Variants in AK9 observed in about 807,000 individuals in gnomAD.
AK9 encodes adenylate kinase 9, also known as adenylate kinase domain containing 1.
Under a neutral mutation model 239.6 loss-of-function variants are expected in AK9, and 191 were observed. That is an observed-to-expected ratio of 0.80 (90% confidence interval 0.71 to 0.90). The LOEUF is 0.90. Ranked by LOEUF, AK9 falls within the 40% of genes least tolerant of loss-of-function variation. AK9 has a pLI of 0.00. For missense variants in AK9, 1,995 were observed against 2,214.7 expected (o/e 0.90, Z 1.99); for synonymous variants, 689 against 721.0 (o/e 0.96, Z 0.71).
At chr6:109,524,637 C>T (rs1562351290) in intron 29 of AK9, among the ~76,000 whole-genome samples, 1 of 152,148 alleles carries the variant, frequency 6.6e-6, no homozygotes, top group Non-Finnish European at 1.5e-5. Context: ...GAATGAAGAA[C>T]ATCAGAAATA....
At chr6:109,520,821 C>G (rs1375822743) in intron 29 of AK9, among the ~76,000 whole-genome samples, 1 of 152,104 alleles carries the variant, frequency 6.6e-6, no homozygotes, top group Non-Finnish European at 1.5e-5. Context: ...AGATTTTTCA[C>G]TTCCTTGGTT....
intron 21 of AK9, among the ~76,000 whole-genome samples, chr6:109,566,742 G>A (rs570440373): frequency 1.3e-5 from 2 of 151,982 alleles, no homozygotes; most frequent in Non-Finnish European, 2.9e-5. Context: ...AGGGGAGTGA[G>A]GGATGAAAAA....
intron 17 of AK9, among the ~76,000 whole-genome samples, chr6:109,604,440 G>T (rs896728835): frequency 1.1e-4 from 16 of 152,178 alleles, no homozygotes; most frequent in African/African-American, 3.1e-4. Context: ...AATCTAAATA[G>T]TTTCTTCCCA....
rs1311511133 is a variant in AK9, at chr6:109,656,791, TAACAATGTTTTC to T, written c.712_723del (p.Glu238_Val241del). 5 of 1,604,690 alleles carry T rather than the reference TAACAATGTTTTC, an allele frequency of 3.1e-6. No individual in the cohort carries two copies. Among genetic ancestry groups the T allele is most frequent in the Non-Finnish European group, 4.3e-6 (5 of 1,172,320 alleles). ...TGGAGAATTGTTTCCTTATAAAGCT[TAACAATGTTTTC>T]AACATTTTCCAAATAATCTTCAGGC... On this transcript the variant is annotated inframe_deletion, in exon 8 of 41. Coordinates refer to ENST00000424296, the MANE Select transcript of AK9 (RefSeq NM_001145128.3).
intron 29 of AK9, among the ~76,000 whole-genome samples, chr6:109,518,942 A>AT (rs990128809): frequency 8.6e-5 from 13 of 151,966 alleles, no homozygotes; most frequent in African/African-American, 3.1e-4. Flanking sequence ...CTCAATAGTT[A>AT]TTTTTTCAAC....
At chr6:109,627,133 C>CTTT (rs71018357) in intron 12 of AK9, among the ~76,000 whole-genome samples, 82 of 67,302 alleles carry the variant, frequency 1.2e-3, no homozygotes, top group Middle Eastern at 0.015. Flanking sequence ...GATGTTTAAG[C>CTTT]TTTTTTTTTT....
chr6:109,607,768 G>GGTGTGTGT (rs10648225), intron 17 of AK9, among the ~76,000 whole-genome samples: 7,701 of 145,402 alleles, frequency 0.053, 248 homozygotes, highest in African/African-American at 0.093. Flanking sequence ...CCAGCAGAGG[G>GGTGTGTGT]GTGTGTGTGT....
At chr6:109,616,678 C>T (rs533935531) in intron 13 of AK9, among the ~76,000 whole-genome samples, 3 of 152,094 alleles carry the variant, frequency 2.0e-5, no homozygotes, top group Admixed American at 2.0e-4. Flanking sequence ...ACCTTGACTG[C>T]TTTTGGCAAT....
At chr6:109,584,569 T>C (rs1277997225) in intron 19 of AK9, among the ~76,000 whole-genome samples, 1 of 152,118 alleles carries the variant, frequency 6.6e-6, no homozygotes, top group African/African-American at 2.4e-5. Context: ...TTTATTAAAG[T>C]TTAGTATTGA....
intron 13 of AK9, 84 bp downstream of exon 13, chr6:109,619,008 G>A: frequency 7.1e-7 from 1 of 1,404,148 alleles, no homozygotes; most frequent in Non-Finnish European, 9.5e-7. Context: ...ATGCCAAGAT[G>A]AGCTAAACAA....
At chr6:109,537,026 T>C (rs150216967) in intron 27 of AK9, among the ~76,000 whole-genome samples, 5,431 of 152,298 alleles carry the variant, frequency 0.036, 321 homozygotes, top group African/African-American at 0.13. Context: ...CTGAGGATTT[T>C]TGCATCAATG....
intron 12 of AK9, among the ~76,000 whole-genome samples, chr6:109,623,888 C>G (rs1012553054): frequency 6.3e-4 from 94 of 148,078 alleles, no homozygotes; most frequent in African/African-American, 2.2e-3. Flanking sequence ...CACACACACA[C>G]ACACACACAC....
chr6:109,641,468 C>G, intron 10 of AK9, 50 bp downstream of exon 10: 1 of 1,484,952 alleles, frequency 6.7e-7, no homozygotes, highest in Non-Finnish European at 9.3e-7. Flanking sequence ...TGCACCCTGC[C>G]CACAACATAT....
At chr6:109,633,825 T>A (rs768760639) in intron 10 of AK9, among the ~76,000 whole-genome samples, 3 of 152,232 alleles carry the variant, frequency 2.0e-5, no homozygotes, top group Non-Finnish European at 2.9e-5. Context: ...TAAAGTCTCC[T>A]TCATCAGCAA....
At chr6:109,685,262 A>G (rs914518604) in intron 1 of AK9, among the ~76,000 whole-genome samples, 1 of 152,214 alleles carries the variant, frequency 6.6e-6, no homozygotes, top group African/African-American at 2.4e-5. Context: ...TCATTCTACT[A>G]TAAAGACACA....
intron 17 of AK9, among the ~76,000 whole-genome samples, chr6:109,607,041 A>G (rs972490508): frequency 6.6e-6 from 1 of 152,216 alleles, no homozygotes; most frequent in African/African-American, 2.4e-5. Context: ...AAGTGCATCA[A>G]TCATATCTAT....
chr6:109,582,267 A>G (rs1788952758), intron 19 of AK9, among the ~76,000 whole-genome samples: 1 of 152,212 alleles, frequency 6.6e-6, no homozygotes, highest in Non-Finnish European at 1.5e-5. Context: ...AACACATTTC[A>G]TAAGACTACA....
At position 109,645,094 on chromosome 6, in the gene AK9, A is replaced by G. The variant is rs141554818; in HGVS notation, c.760-406T>C. ...GATACAACGTATTTTGATCGTTCCA[A>G]GATGGCCAAATAGGAACAGTTCCGG... On this transcript the variant is annotated intron_variant, in intron 8 of 40. Transcript: ENST00000424296. Among the ~76,000 whole-genome samples the G allele has an allele frequency of 5.9e-5, 9 of 152,362 alleles. No individual in the cohort carries two copies. The East Asian group carries it at 1.7e-3, about 29-fold the overall frequency.
intron 8 of AK9, among the ~76,000 whole-genome samples, chr6:109,652,851 T>C (rs1000635129): frequency 6.6e-5 from 10 of 152,196 alleles, no homozygotes; most frequent in African/African-American, 2.4e-4. Flanking sequence ...TATGCACACA[T>C]ATAAATGTTC....
Sources: gnomAD v4.1 joint callset for allele counts (sites outside exome capture counted in the v4.1 genomes callset) on GRCh38, gnomAD v4.1.1 for gene constraint, MANE v1.5 for transcripts, NCBI Gene and HGNC (gene_info 2026-07-23, HGNC 2026-07-21) for gene names.